OGDHL: variants seen among roughly 807,000 people sequenced by gnomAD.
The protein encoded by OGDHL is oxoglutarate dehydrogenase L.
In OGDHL, 79 loss-of-function variants were observed where a neutral mutation model predicts 109.6. The ratio of observed to expected loss-of-function variants is 0.72; its 90% confidence interval spans 0.60 to 0.87. The LOEUF (loss-of-function observed/expected upper bound fraction) is 0.87. Among genes scored for constraint, OGDHL ranks in the 40% least tolerant of loss-of-function variants. OGDHL has a pLI of 0.00. For missense variants in OGDHL, 1,275 were observed against 1,362.2 expected (o/e 0.94, Z 1.01); for synonymous variants, 528 against 537.2 (o/e 0.98, Z 0.24).
chr10:49,751,828 T>G lies in OGDHL; in HGVS notation c.748A>C (p.Arg250=), dbSNP rs1336031582. 1 of 1,613,382 alleles carries G rather than the reference T, an allele frequency of 6.2e-7. No individual in the cohort carries two copies. The highest frequency in any genetic ancestry group is 1.1e-5 in the South Asian group (1 of 91,044). Residue 250 remains arginine (R), a splice_region_variant and synonymous_variant, in exon 6 of 23, where the codon AGG becomes CGG. Transcript: ENST00000374103. ...TLLARLVRSM[R]FEDFLARKWS... Reference sequence around the variant, plus strand: ...CTTGGCCCTCCAGGTGGTGCCAACCTCATGGAGCGCACTAGCCGGGCCAGC... The same window carrying G: ...CTTGGCCCTCCAGGTGGTGCCAACCGCATGGAGCGCACTAGCCGGGCCAGC...
intron 1 of OGDHL, 124 bp from the exon 2 acceptor site, chr10:49,758,717 A>C (rs1843073934): frequency 4.2e-6 from 4 of 960,930 alleles, no homozygotes; most frequent in Non-Finnish European, 6.3e-6. Flanking sequence ...TGGGCTAGGC[A>C]GTGATGAGAC....
Position 49,747,132 on chromosome 10 carries a change from A to G in OGDHL, c.1064T>C (p.Leu355Pro). 2 of 1,614,170 alleles carry G rather than the reference A, an allele frequency of 1.2e-6. No homozygotes were observed. Among genetic ancestry groups the G allele is most frequent in the South Asian group, 1.1e-5 (1 of 91,088 alleles). ...INRVTNRNIT[L>P]SLVANPSHLE... is the part of the protein sequence containing the mutation. ...GTGGGAGGGGTTGGCAACCAGCGAC[A>G]GAGTGATGTTCCGGTTGGTGACGCG... is the stretch of plus-strand genomic sequence containing the variant. The change falls in exon 9 of 23, where the codon CTG becomes CCG. Residue 355 changes from leucine to proline, a missense_variant. Transcript: ENST00000374103.
intron 15 of OGDHL, among the ~76,000 whole-genome samples, chr10:49,742,411 C>A (rs2132992845): frequency 2.8e-3 from 1 of 360 alleles, no homozygotes; most frequent in African/African-American, 6.4e-3. Flanking sequence ...CCACACACAC[C>A]ATACACACAT....
chr10:49,758,343 G>T (rs769318669), intron 2 of OGDHL, 46 bp downstream of exon 2: 38 of 1,559,438 alleles, frequency 2.4e-5, no homozygotes, highest in Non-Finnish European at 3.3e-5. Context: ...GGCCCCCGAG[G>T]GCTTCCCTCC....
At position 49,753,273 on chromosome 10, in the gene OGDHL, A is replaced by T. The variant is rs891021160; in HGVS notation, c.376-533T>A. The stretch of plus-strand genomic sequence containing the variant: ...ATTAGAAGGGAAAATCATAAAATTT[A>T]AAAAAACCACAACATAAGAAAAATT... On this transcript the variant is annotated intron_variant, in intron 3 of 22. Transcript: ENST00000374103. Among the ~76,000 whole-genome samples, 8 of 151,340 alleles carry T rather than the reference A, an allele frequency of 5.3e-5. No homozygotes were observed. In the East Asian group the frequency reaches 7.7e-4, roughly 15 times the overall value.
chr10:49,745,583 G>T, intron 11 of OGDHL, 87 bp from the exon 12 acceptor site: 2 of 1,545,958 alleles, frequency 1.3e-6, no homozygotes, highest in Non-Finnish European at 1.8e-6. Context: ...ATCTGGGTAG[G>T]GCACACCCAC....
chr10:49,746,034 G>A (rs1842160140), intron 10 of OGDHL, 57 bp from the exon 11 acceptor site: 5 of 1,580,108 alleles, frequency 3.2e-6, no homozygotes, highest in Non-Finnish European at 4.3e-6. Context: ...TGAGATAGAA[G>A]GTGCCAGCCT....
intron 1 of OGDHL, 33 bp from the exon 2 acceptor site, chr10:49,758,626 G>A (rs1843066017): frequency 1.2e-6 from 2 of 1,605,950 alleles, no homozygotes; most frequent in Non-Finnish European, 8.5e-7. Context: ...AGGCATAAAT[G>A]GCAGGACCAA....
At chr10:49,747,464 T>G (rs1842280672) in intron 8 of OGDHL, among the ~76,000 whole-genome samples, 1 of 151,218 alleles carries the variant, frequency 6.6e-6, no homozygotes, top group African/African-American at 2.4e-5. Flanking sequence ...AGCACAAGAG[T>G]GGGGAAGGCC....
intron 12 of OGDHL, among the ~76,000 whole-genome samples, chr10:49,744,991 G>A (rs965905750): frequency 2.6e-5 from 4 of 152,194 alleles, no homozygotes; most frequent in Admixed American, 6.5e-5. Context: ...AGAAGGCTCT[G>A]GAAACTTGTA....
intron 22 of OGDHL, among the ~76,000 whole-genome samples, chr10:49,735,575 T>C (rs1394943634): frequency 6.6e-6 from 1 of 152,218 alleles, no homozygotes; most frequent in Non-Finnish European, 1.5e-5. Context: ...TCCATGTCAC[T>C]GCACTTGCCC....
chr10:49,736,527 G>A lies in OGDHL; in HGVS notation c.2591-7C>T, dbSNP rs771049582. 1 of 1,612,240 alleles carries A rather than the reference G, an allele frequency of 6.2e-7. No homozygotes were observed. The highest frequency in any genetic ancestry group is 1.3e-5 in the African/African-American group (1 of 74,904). ...ACCCGCTGGAAGCTGGTCCCTGAGGGACCAACAGGACATGGCAGAGGCGTT... is the reference window on the plus strand; with the variant it reads ...ACCCGCTGGAAGCTGGTCCCTGAGGAACCAACAGGACATGGCAGAGGCGTT... On this transcript the variant is annotated splice_region_variant and splice_polypyrimidine_tract_variant and intron_variant, in intron 20 of 22. Coordinates refer to ENST00000374103, the MANE Select transcript of OGDHL (RefSeq NM_018245.3).
chr10:49,745,866 C>T lies in OGDHL; in HGVS notation c.1408G>A (p.Val470Met). Reference protein sequence around the residue: ...FHVNADDPEAVIYVCSVAAEW... With the variant: ...FHVNADDPEAMIYVCSVAAEW... ...GCTGCCACACTGCACACATATATCA[C>T]AGCCTCTGGGTCATCGGCATTCACA... is the stretch of plus-strand genomic sequence containing the variant. The change falls in exon 11 of 23, where the codon GTG becomes ATG. Residue 470 changes from valine (V) to methionine (M), a missense_variant. By Grantham distance (21) the Val-to-Met change is conservative (BLOSUM62 1). Coordinates refer to ENST00000374103, the MANE Select transcript of OGDHL (RefSeq NM_018245.3). The T allele has an allele frequency of 1.2e-6, 2 of 1,614,230 alleles. No individual in the cohort carries two copies. The highest frequency in any genetic ancestry group is 1.7e-6 in the Non-Finnish European group (2 of 1,180,048).
At chr10:49,752,563 G>T in intron 4 of OGDHL, 75 bp downstream of exon 4, 1 of 1,244,844 alleles carries the variant, frequency 8.0e-7, no homozygotes, top group Non-Finnish European at 1.2e-6. Context: ...GGATCAGGCT[G>T]TCCCTAGTGC....
rs138102387 is a variant in OGDHL at position 49,743,029 on chromosome 10, G to A, written c.1862-51C>T. On this transcript the variant is annotated intron_variant, in intron 14 of 22. Coordinates refer to ENST00000374103, the MANE Select transcript of OGDHL (RefSeq NM_018245.3). ...GGGCCAAGGGACAGCCAGCCCTGGG[G>A]CGGGTAGGTAGGTGCTCAGCACACA... 744 of 1,595,126 alleles carry A rather than the reference G, an allele frequency of 4.7e-4. 5 individuals are homozygous for A. In the African/African-American group the frequency reaches 7.9e-3, roughly 17 times the overall value.
At position 49,735,309 on chromosome 10, in the gene OGDHL, G is replaced by C. The variant is rs1841066747; in HGVS notation, c.2952C>G (p.Asn984Lys). Residue 984 changes from asparagine to lysine, a missense_variant, in exon 23 of 23, where the codon AAC becomes AAG. Physicochemically the swap from Asn to Lys is moderately conservative, Grantham distance 94 (BLOSUM62 0). Coordinates refer to ENST00000374103, the MANE Select transcript of OGDHL (RefSeq NM_018245.3). ...RDPAAAPATG[N>K]RNTHLVSLKK... Reference sequence around the variant, plus strand: ...TCAGTGACACCAGGTGAGTGTTCCTGTTTCCTGTGGCTGGTGCAGCCGCTG... The same window carrying C: ...TCAGTGACACCAGGTGAGTGTTCCTCTTTCCTGTGGCTGGTGCAGCCGCTG... 1 of 1,613,966 alleles carries C rather than the reference G, an allele frequency of 6.2e-7. No homozygotes were observed.
At position 49,762,221 on chromosome 10, in the gene OGDHL, G is replaced by A. The variant is rs1316998956; in HGVS notation, c.-2+18C>T. ...GCAGCGGCGCAGGGACCGGGAGGGG[G>A]CGGGCCGCCGCGCTCACCGGGCGGG... On this transcript the variant is annotated intron_variant, in intron 1 of 22. Transcript: ENST00000374103. 6.6e-6 allele frequency: 1 copy of A among 152,446 alleles called. No individual in the cohort carries two copies. The allele number at this position is 152,446 out of a possible 1,614,324, so 9.4% of individuals were successfully genotyped here.
At chr10:49,761,232 G>T (rs1369965500) in intron 1 of OGDHL, among the ~76,000 whole-genome samples, 1 of 152,110 alleles carries the variant, frequency 6.6e-6, no homozygotes, top group Non-Finnish European at 1.5e-5. Flanking sequence ...GTATCTCTTG[G>T]GGGTCTCTTC....
chr10:49,737,748 A>ATTG, intron 20 of OGDHL, 38 bp downstream of exon 20: 1 of 1,610,528 alleles, frequency 6.2e-7, no homozygotes, highest in Non-Finnish European at 8.5e-7. Flanking sequence ...CCACCGCCCC[A>ATTG]TTGTGGGCTA....
Sources: gnomAD v4.1 joint callset for allele counts (sites outside exome capture counted in the v4.1 genomes callset) on GRCh38, gnomAD v4.1.1 for gene constraint, MANE v1.5 for transcripts, NCBI Gene and HGNC (gene_info 2026-07-23, HGNC 2026-07-21) for gene names.